Variants in SCARB1 observed in about 807,000 individuals in gnomAD.
SCARB1 encodes scavenger receptor class B member 1, also known as CD36 and LIMPII analogous 1.
A neutral mutation model predicts 57.2 loss-of-function variants in SCARB1; 30 were observed. The ratio of observed to expected loss-of-function variants is 0.52; its 90% CI spans 0.39 to 0.71. The LOEUF (loss-of-function observed/expected upper bound fraction) is 0.71, where lower values mean the gene tolerates loss of function less well. Among genes scored for constraint, SCARB1 ranks in the 30% least tolerant of loss-of-function variants. SCARB1 has a pLI of 0.00. For synonymous variants in SCARB1, 249 were observed against 268.3 expected (o/e 0.93, Z 0.70); for missense variants, 543 against 671.2 (o/e 0.81, Z 2.11).
chr12:124,856,739 T>TC (rs374916687), intron 1 of SCARB1, among the ~76,000 whole-genome samples: 6 of 151,674 alleles, frequency 4.0e-5, no homozygotes, highest in East Asian at 1.9e-4. Context: ...ACACTGGGCC[T>TC]CCCCCCCAGG....
chr12:124,831,865 C>A (rs1951410050), intron 1 of SCARB1, among the ~76,000 whole-genome samples: 1 of 152,162 alleles, frequency 6.6e-6, no homozygotes, highest in Admixed American at 6.5e-5. Context: ...AATAGAAGAA[C>A]AACAGACAAA....
intron 1 of SCARB1, among the ~76,000 whole-genome samples, chr12:124,838,597 G>A (rs1029617458): frequency 1.3e-5 from 2 of 151,988 alleles, no homozygotes; most frequent in East Asian, 1.9e-4. Flanking sequence ...TTCTGCAACA[G>A]GCTCAGCATG....
intron 10 of SCARB1, 45 bp downstream of exon 10, chr12:124,787,361 G>A: frequency 6.3e-7 from 1 of 1,592,806 alleles, no homozygotes; most frequent in Non-Finnish European, 8.6e-7. Flanking sequence ...TGCCCACATT[G>A]GCTCTTAACA....
intron 12 of SCARB1, among the ~76,000 whole-genome samples, chr12:124,780,649 G>A (rs1479446678): frequency 6.6e-6 from 1 of 152,236 alleles, no homozygotes; most frequent in Non-Finnish European, 1.5e-5. Flanking sequence ...AGGAGGCAGG[G>A]CAGGAGGGTC....
At chr12:124,808,057 C>T (rs1394178432) in intron 6 of SCARB1, 130 bp from the exon 7 acceptor site, 2 of 836,626 alleles carry the variant, frequency 2.4e-6, no homozygotes, top group Non-Finnish European at 2.0e-6. Context: ...AAACCGCCCC[C>T]ATCTCTCACC....
At chr12:124,847,540 C>T (rs1048575253) in intron 1 of SCARB1, among the ~76,000 whole-genome samples, 1 of 152,206 alleles carries the variant, frequency 6.6e-6, no homozygotes, top group Non-Finnish European at 1.5e-5. Flanking sequence ...CCCTGAGACC[C>T]CAGGGTTTCC....
intron 8 of SCARB1, among the ~76,000 whole-genome samples, chr12:124,795,662 C>T (rs1242780548): frequency 6.6e-6 from 1 of 152,220 alleles, no homozygotes; most frequent in African/African-American, 2.4e-5. Flanking sequence ...CTCTCAACCT[C>T]CACATTCAAT....
chr12:124,840,322 C>G (rs573913759), intron 1 of SCARB1, among the ~76,000 whole-genome samples: 1 of 152,062 alleles, frequency 6.6e-6, no homozygotes, highest in Non-Finnish European at 1.5e-5. Flanking sequence ...TACATACAGG[C>G]GCCTGCCACC....
intron 1 of SCARB1, among the ~76,000 whole-genome samples, chr12:124,846,661 G>A (rs1952164651): frequency 1.4e-5 from 2 of 147,372 alleles, no homozygotes; most frequent in African/African-American, 5.0e-5. Context: ...AACCCGGGGG[G>A]CAGAAGTTGC....
intron 1 of SCARB1, among the ~76,000 whole-genome samples, chr12:124,826,770 T>C (rs1594316257): frequency 6.6e-6 from 1 of 152,084 alleles, no homozygotes; most frequent in African/African-American, 2.4e-5. Flanking sequence ...TCAATTTTTA[T>C]TTTTAAAGAA....
In SCARB1 at chr12:124,794,281, ATTTT is replaced by A. The variant is rs762408996; in HGVS notation, c.1202+910_1202+913del. The stretch of plus-strand genomic sequence containing the variant: ...AATTGTGCATTTTATTAGGGGGGTT[ATTTT>A]TTTTATTTTGAATTGTGCATTTTAA... On this transcript the variant is annotated intron_variant, in intron 9 of 12. Coordinates refer to ENST00000261693, the MANE Select transcript of SCARB1 (RefSeq NM_005505.5). Among the ~76,000 whole-genome samples, 18 of 148,836 alleles carry A rather than the reference ATTTT, an allele frequency of 1.2e-4. 1 individual carries two copies. Among genetic ancestry groups the A allele is most frequent in the Non-Finnish European group, 1.9e-4 (13 of 67,406 alleles).
intron 4 of SCARB1, among the ~76,000 whole-genome samples, chr12:124,813,219 C>T (rs950352931): frequency 2.6e-5 from 4 of 152,176 alleles, no homozygotes; most frequent in Non-Finnish European, 4.4e-5. Flanking sequence ...TTCTTCCTCC[C>T]TAAGAGGGAG....
intron 7 of SCARB1, among the ~76,000 whole-genome samples, chr12:124,803,175 G>A (rs1373233412): frequency 1.3e-5 from 2 of 152,204 alleles, no homozygotes; most frequent in Non-Finnish European, 2.9e-5. Flanking sequence ...TGAGCTCCGG[G>A]GCTGGATGTC....
rs180745789 is a variant in SCARB1, at chr12:124,796,426, G to A, written c.1129-1158C>T. Among the ~76,000 whole-genome samples the A allele has an allele frequency of 1.3e-5, 2 of 151,954 alleles. No homozygotes were observed. The highest frequency in any genetic ancestry group is 2.9e-5 in the Non-Finnish European group (2 of 67,986). On this transcript the variant is annotated intron_variant, in intron 8 of 12. Transcript: ENST00000261693. This position sits in a 1 kb window ranked among gnomAD's most constrained non-coding sequence, Gnocchi z 4.0. ...GACTTTTTTTTTTAAGTAAATAACCGAAGTGACACACATGTGTCATCAAAA... is the reference window on the plus strand; with the variant it reads ...GACTTTTTTTTTTAAGTAAATAACCAAAGTGACACACATGTGTCATCAAAA...
chr12:124,802,707 G>A (rs1051434666), intron 7 of SCARB1, among the ~76,000 whole-genome samples: 11 of 152,186 alleles, frequency 7.2e-5, no homozygotes, highest in African/African-American at 1.9e-4. Flanking sequence ...TTAATTTGTA[G>A]CTTTATGGCA....
At chr12:124,811,439 A>AT (rs1323825179) in intron 5 of SCARB1, among the ~76,000 whole-genome samples, 2 of 150,070 alleles carry the variant, frequency 1.3e-5, no homozygotes, top group Non-Finnish European at 3.0e-5. Flanking sequence ...CACCCAGCTA[A>AT]TTTTTTGTAT....
intron 1 of SCARB1, among the ~76,000 whole-genome samples, chr12:124,845,163 A>T (rs1952090234): frequency 6.6e-6 from 1 of 152,148 alleles, no homozygotes; most frequent in Non-Finnish European, 1.5e-5. Flanking sequence ...GCAGAAGCCA[A>T]GCGAGTTCCC....
rs776877098 is a variant in SCARB1, at chr12:124,810,192, T to G, written c.824A>C (p.Tyr275Ser). Residue 275 changes from tyrosine to serine, a missense_variant, in exon 6 of 13, where the codon TAC (tyrosine) becomes TCC (serine). Tyr to Ser is a moderately radical substitution (Grantham distance 144). Coordinates refer to ENST00000261693, the MANE Select transcript of SCARB1 (RefSeq NM_005505.5). This position sits in a 1 kb window ranked among gnomAD's most constrained non-coding sequence, Gnocchi z 4.0. The part of the protein sequence containing the change: ...FMTPESSLEF[Y>S]SPEACRSMKL... ...TGATTACCGGCAGGCCTCCGGGCTG[T>G]AGAACTCCAGCGAGGACTCAGGAGT... 6.2e-7 allele frequency: 1 copy of G among 1,613,108 alleles called. No homozygotes were observed. Among genetic ancestry groups the G allele is most frequent in the Non-Finnish European group, 8.5e-7 (1 of 1,179,100 alleles).
intron 9 of SCARB1, among the ~76,000 whole-genome samples, chr12:124,792,215 C>T (rs568365579): frequency 6.6e-6 from 1 of 152,110 alleles, no homozygotes; most frequent in African/African-American, 2.4e-5. Flanking sequence ...GAAGCTTCCC[C>T]GACAGGTCAC....
Sources: allele counts gnomAD v4.1 joint callset (sites outside exome capture counted in the v4.1 genomes callset), GRCh38; gene constraint gnomAD v4.1.1; non-coding constraint Gnocchi (gnomAD v3.1); transcripts MANE v1.5; gene names NCBI Gene and HGNC (gene_info 2026-07-23, HGNC 2026-07-21).